Variants in ITGBL1 observed in about 807,000 individuals in gnomAD.
ITGBL1 encodes the protein integrin beta-like protein 1.
ITGBL1 carries 51 observed loss-of-function variants against 68.5 expected under a neutral mutation model. That is an observed-to-expected ratio of 0.74 (90% confidence interval 0.59 to 0.94). ITGBL1 has a LOEUF of 0.94. Among genes scored for constraint, ITGBL1 ranks in the 40% least tolerant of loss-of-function variants. ITGBL1 has a pLI of 0.00. For missense variants in ITGBL1, 649 were observed against 647.4 expected, an observed-to-expected ratio of 1.00 and a Z score of -0.03; for synonymous variants, 209 against 227.3, an observed-to-expected ratio of 0.92 and a Z score of 0.72.
At chr13:101,651,147 C>T (rs571809181) in intron 7 of ITGBL1, among the ~76,000 whole-genome samples, 6 of 152,112 alleles carry the variant, frequency 3.9e-5, no homozygotes, top group Admixed American at 2.0e-4. Context: ...AATTATATTC[C>T]TTTAGGTATA....
intron 7 of ITGBL1, among the ~76,000 whole-genome samples, chr13:101,689,011 C>A (rs940176957): frequency 6.7e-6 from 1 of 148,576 alleles, no homozygotes; most frequent in East Asian, 2.0e-4. Context: ...CCAGCCTGGC[C>A]GACAGGTGTA....
intron 2 of ITGBL1, among the ~76,000 whole-genome samples, chr13:101,559,784 C>T (rs569237776): frequency 1.2e-4 from 19 of 152,336 alleles, no homozygotes; most frequent in African/African-American, 4.1e-4. Flanking sequence ...GCCCATCTCA[C>T]TGGCTCATTA....
chr13:101,543,471 C>T (rs2049752018), intron 2 of ITGBL1, among the ~76,000 whole-genome samples: 1 of 152,144 alleles, frequency 6.6e-6, no homozygotes, highest in South Asian at 2.1e-4. Context: ...CCCTACCTTT[C>T]TCTCTGGCTG....
chr13:101,567,576 T>C, intron 2 of ITGBL1, 123 bp from the exon 3 acceptor site: 1 of 822,354 alleles, frequency 1.2e-6, no homozygotes. Flanking sequence ...CACTGCGATA[T>C]ACATGAGTTT....
intron 2 of ITGBL1, among the ~76,000 whole-genome samples, chr13:101,528,312 T>C (rs1450273671): frequency 6.6e-6 from 1 of 151,734 alleles, no homozygotes; most frequent in Non-Finnish European, 1.5e-5. Flanking sequence ...AAGGAATCTC[T>C]AGTTGTGCTC....
chr13:101,456,743 A>C (rs972210107), intron 2 of ITGBL1, among the ~76,000 whole-genome samples: 12 of 152,286 alleles, frequency 7.9e-5, no homozygotes, highest in African/African-American at 2.6e-4. Flanking sequence ...GTGAAACACC[A>C]TCCCTACTAA....
In ITGBL1 at chr13:101,579,310, A is replaced by G. The variant is rs766045919; in HGVS notation, c.610A>G (p.Asn204Asp). 2.9e-5 allele frequency: 47 copies of G among 1,613,800 alleles called. No individual in the cohort carries two copies. The highest frequency in any genetic ancestry group is 5.0e-5 in the Admixed American group (3 of 59,988). ...CGGHGKCYCG[N>D]CYCKAGWHGD... is the part of the protein sequence containing the mutation. ...AGGCCATGGGAAGTGTTACTGTGGA[A>G]ACTGCTACTGCAAGGCTGGTTGGCA... The change falls in exon 5 of 11, where the codon AAC (asparagine) becomes GAC (aspartate). Residue 204 changes from asparagine (N) to aspartate (D), a missense_variant. Transcript: ENST00000376180.
chr13:101,714,759 C>T (rs2034637438), intron 10 of ITGBL1: 1 of 541,814 alleles, frequency 1.8e-6, no homozygotes, highest in Non-Finnish European at 3.3e-6. Context: ...GAGAATGAAG[C>T]TAAATTTTGT....
Position 101,482,086 on chromosome 13 carries a change from C to T in ITGBL1, c.316+27986C>T, listed in dbSNP as rs553723021. Reference sequence around the variant, plus strand: ...ACTCCCAAAGATTACCAGTTTATTACGTAATGAGCATGTATTAGCCGAGAA... The same window carrying T: ...ACTCCCAAAGATTACCAGTTTATTATGTAATGAGCATGTATTAGCCGAGAA... On this transcript the variant is annotated intron_variant, in intron 2 of 10. Transcript: ENST00000376180. Among the ~76,000 whole-genome samples, 7 of 152,200 alleles carry T rather than the reference C, an allele frequency of 4.6e-5. No individual in the cohort carries two copies. In the South Asian group the frequency reaches 6.2e-4, roughly 14 times the overall value.
chr13:101,577,621 T>C (rs543464579), intron 4 of ITGBL1, among the ~76,000 whole-genome samples: 39 of 152,316 alleles, frequency 2.6e-4, no homozygotes, highest in Non-Finnish European at 5.0e-4. Context: ...TCCTTACTTA[T>C]GTTGCACCTT....
chr13:101,562,315 A>G (rs1305880887), intron 2 of ITGBL1, among the ~76,000 whole-genome samples: 1 of 152,078 alleles, frequency 6.6e-6, no homozygotes, highest in Non-Finnish European at 1.5e-5. Flanking sequence ...AATTGCTTAG[A>G]AAGTTGGTAG....
At position 101,714,461 on chromosome 13, in the gene ITGBL1, A is replaced by G. The variant is rs1417126348; in HGVS notation, c.1303A>G (p.Ile435Val). 7 of 1,610,134 alleles carry G rather than the reference A, an allele frequency of 4.3e-6. No individual in the cohort carries two copies. Among genetic ancestry groups the G allele is most frequent in the Admixed American group, 3.3e-5 (2 of 59,978 alleles). The change falls in exon 10 of 11, where the codon ATT (isoleucine) becomes GTT (valine). Residue 435 changes from isoleucine to valine, a missense_variant. Physicochemically the swap from Ile to Val is conservative, Grantham distance 29. Coordinates refer to ENST00000376180, the MANE Select transcript of ITGBL1 (RefSeq NM_004791.3). ...GKGSCHCGKC[I>V]CSAEEWYISG... ...AGGTTCTTGTCATTGTGGGAAGTGC[A>G]TTTGTTCTGCTGAAGAGTGGTATAT...
intron 2 of ITGBL1, among the ~76,000 whole-genome samples, chr13:101,464,914 T>C (rs1323117929): frequency 6.6e-6 from 1 of 152,228 alleles, no homozygotes; most frequent in Non-Finnish European, 1.5e-5. Context: ...ACTCTTGATA[T>C]AAAGGTTGCT....
intron 7 of ITGBL1, among the ~76,000 whole-genome samples, chr13:101,616,745 C>T (rs1246229774): frequency 2.0e-5 from 3 of 152,212 alleles, no homozygotes; most frequent in Non-Finnish European, 4.4e-5. Flanking sequence ...CCCACCTCGA[C>T]CTCCCAAAGT....
chr13:101,617,150 G>A (rs1383224481), intron 7 of ITGBL1, among the ~76,000 whole-genome samples: 1 of 152,014 alleles, frequency 6.6e-6, no homozygotes, highest in Non-Finnish European at 1.5e-5. Context: ...ACTAGGTACT[G>A]TATTGTTTAC....
intron 2 of ITGBL1, among the ~76,000 whole-genome samples, chr13:101,462,159 C>G (rs2048326682): frequency 6.6e-6 from 1 of 152,156 alleles, no homozygotes; most frequent in African/African-American, 2.4e-5. Context: ...GTTGTGAGAC[C>G]TTTCTCACAC....
intron 3 of ITGBL1, among the ~76,000 whole-genome samples, chr13:101,569,127 C>A (rs1485791379): frequency 1.3e-5 from 2 of 151,930 alleles, no homozygotes; most frequent in Non-Finnish European, 2.9e-5. Context: ...CACACGCGCA[C>A]GCGCGCGCAT....
intron 2 of ITGBL1, among the ~76,000 whole-genome samples, chr13:101,477,502 G>C (rs1404489352): frequency 6.6e-6 from 1 of 151,644 alleles, no homozygotes; most frequent in Non-Finnish European, 1.5e-5. Flanking sequence ...AAATAAATGA[G>C]ATCAAATTAA....
chr13:101,567,623 G>C lies in ITGBL1; in HGVS notation c.317-76G>C, dbSNP rs973981514. ...AGCTCAGTCCCAAATCAATGTCACTGTTAAGAGTATGTGTTACAGTAGTGG... is the reference window on the plus strand; with the variant it reads ...AGCTCAGTCCCAAATCAATGTCACTCTTAAGAGTATGTGTTACAGTAGTGG... On this transcript the variant is annotated intron_variant, in intron 2 of 10. Transcript: ENST00000376180. 4.3e-6 allele frequency: 6 copies of C among 1,390,900 alleles called. No individual in the cohort carries two copies. The African/African-American group carries it at 7.2e-5, about 17-fold the overall frequency. 86.2% of individuals were successfully genotyped at this position (1,390,900 alleles called of 1,614,324 possible).
Sources: allele counts gnomAD v4.1 joint callset (sites outside exome capture counted in the v4.1 genomes callset), GRCh38; gene constraint gnomAD v4.1.1; transcripts MANE v1.5; gene names NCBI Gene and HGNC (gene_info 2026-07-23, HGNC 2026-07-21).